Variants in NCS1 observed in about 807,000 individuals in gnomAD.
The protein encoded by NCS1 is neuronal calcium sensor 1.
NCS1 carries 6 observed loss-of-function variants against 28.4 expected under a neutral mutation model. That is an observed-to-expected ratio of 0.21 (90% CI 0.12 to 0.42). NCS1 has a LOEUF of 0.42. Ranked by LOEUF, NCS1 falls within the 10% of genes least tolerant of loss-of-function variation. The probability of loss-of-function intolerance (pLI) is 1.00; values close to 1 mark genes in which losing one functional copy is unlikely to be tolerated. For missense variants in NCS1, 131 were observed against 241.4 expected (o/e 0.54, Z 3.03); for synonymous variants, 86 against 99.3 (o/e 0.87, Z 0.79).
At position 130,226,207 on chromosome 9, in the gene NCS1, C is replaced by G. The variant is rs1833412403; in HGVS notation, c.475-182C>G. Reference sequence around the variant, plus strand: ...ATGCCCAGAGAGGTGGGCCACGGCCCAAGGCCACCCTGCCATGAGTGCCGA... The same window carrying G: ...ATGCCCAGAGAGGTGGGCCACGGCCGAAGGCCACCCTGCCATGAGTGCCGA... On this transcript the variant is annotated intron_variant, in intron 6 of 7. Transcript: ENST00000372398. This position sits in a 1 kb window ranked among gnomAD's most constrained non-coding sequence, Gnocchi z 4.8. Among the ~76,000 whole-genome samples the G allele has an allele frequency of 6.6e-6, 1 of 152,232 alleles. No homozygotes were observed. The highest frequency in any genetic ancestry group is 2.4e-5 in the African/African-American group (1 of 41,460).
At chr9:130,229,379 C>A (rs1345254685) in intron 7 of NCS1, among the ~76,000 whole-genome samples, 2 of 151,918 alleles carry the variant, frequency 1.3e-5, no homozygotes, top group African/African-American at 4.8e-5. Flanking sequence ...CTCAGCCTCC[C>A]AAGTAGCTGG....
At chr9:130,203,122 G>GTATA (rs71499224) in intron 2 of NCS1, among the ~76,000 whole-genome samples, 3 of 98,350 alleles carry the variant, frequency 3.1e-5, no homozygotes, top group African/African-American at 6.9e-5. Flanking sequence ...GCGTGTGTAT[G>GTATA]TATATATATA....
At chr9:130,176,453 C>T (rs1832573110) in intron 1 of NCS1, among the ~76,000 whole-genome samples, 1 of 152,146 alleles carries the variant, frequency 6.6e-6, no homozygotes, top group Non-Finnish European at 1.5e-5. Context: ...GCCTTGGCTT[C>T]CCAAAGTTCT....
intron 1 of NCS1, among the ~76,000 whole-genome samples, chr9:130,183,009 T>C (rs1554905281): frequency 1.3e-5 from 2 of 152,114 alleles, no homozygotes; most frequent in African/African-American, 2.4e-5. Flanking sequence ...GTCTGTGGGG[T>C]GTGTGGCCCG....
rs1832552510 is a variant in NCS1 at position 130,175,543 on chromosome 9, G to A, written c.64+2816G>A. ...CCGGATTGAAGACCACAGTTCCAGT[G>A]TATGCTGGGGGTCCTAGCCCACCTC... On this transcript the variant is annotated intron_variant, in intron 1 of 7. Coordinates refer to ENST00000372398, the MANE Select transcript of NCS1 (RefSeq NM_014286.4). This position sits in a 1 kb window ranked among gnomAD's most constrained non-coding sequence, Gnocchi z 4.9. 6.6e-6 allele frequency among the ~76,000 whole-genome samples: 1 copy of A among 152,164 alleles called. No homozygotes were observed. The highest frequency in any genetic ancestry group is 1.5e-5 in the Non-Finnish European group (1 of 68,030).
At chr9:130,190,071 T>A (rs1832798621) in intron 1 of NCS1, among the ~76,000 whole-genome samples, 1 of 120,694 alleles carries the variant, frequency 8.3e-6, no homozygotes, top group African/African-American at 3.1e-5. Context: ...AGAGAATATA[T>A]GTGGTCATTG....
Position 130,172,632 on chromosome 9 carries a change from G to T in NCS1, c.-32G>T. 1 of 1,399,856 alleles carries T rather than the reference G, an allele frequency of 7.1e-7. No individual in the cohort carries two copies. The highest frequency in any genetic ancestry group is 9.5e-7 in the Non-Finnish European group (1 of 1,056,452). 86.7% of individuals were successfully genotyped at this position (1,399,856 alleles called of 1,614,324 possible). On this transcript the variant is annotated 5_prime_UTR_variant, in exon 1 of 8. Coordinates refer to ENST00000372398, the MANE Select transcript of NCS1 (RefSeq NM_014286.4). ...CTGCTGGGCGCCCCAACCGGGTCCG[G>T]CCCGGGGGGGCGGGGGCCGCGGCCG...
Position 130,208,544 on chromosome 9 carries a change from G to C in NCS1, c.89+7562G>C, listed in dbSNP as rs573788484. ...CCCACCTCGGCCTCCCAAAGTGCTG[G>C]GATTATGGGCATGAGCCACTGCGCC... On this transcript the variant is annotated intron_variant, in intron 2 of 7. Coordinates refer to ENST00000372398, the MANE Select transcript of NCS1 (RefSeq NM_014286.4). Among the ~76,000 whole-genome samples, 3 of 152,208 alleles carry C rather than the reference G, an allele frequency of 2.0e-5. No individual in the cohort carries two copies. In the South Asian group the frequency reaches 6.2e-4, roughly 32 times the overall value.
intron 2 of NCS1, among the ~76,000 whole-genome samples, chr9:130,202,701 T>C (rs868954946): frequency 3.3e-5 from 5 of 151,716 alleles, no homozygotes; most frequent in African/African-American, 1.2e-4. Context: ...TGTCTCTGCC[T>C]CCCGAGTAGC....
At chr9:130,193,313 G>A (rs561640436) in intron 1 of NCS1, among the ~76,000 whole-genome samples, 227 of 152,226 alleles carry the variant, frequency 1.5e-3, no homozygotes, top group African/African-American at 5.2e-3. Flanking sequence ...TTCTAGGAGG[G>A]GAGGAATGTG....
At chr9:130,188,676 G>T (rs987417573) in intron 1 of NCS1, among the ~76,000 whole-genome samples, 91 of 151,782 alleles carry the variant, frequency 6.0e-4, no homozygotes, top group African/African-American at 2.2e-3. Context: ...CTCCCAAAGT[G>T]CTGGGATTAC....
chr9:130,222,535 G>A, intron 4 of NCS1, 115 bp from the exon 5 acceptor site: 1 of 793,276 alleles, frequency 1.3e-6, no homozygotes, highest in Non-Finnish European at 2.2e-6. Flanking sequence ...GACCTGATGA[G>A]GAATGGGCCA....
chr9:130,193,631 G>A (rs1375859455), intron 1 of NCS1, among the ~76,000 whole-genome samples: 5 of 151,368 alleles, frequency 3.3e-5, no homozygotes, highest in Non-Finnish European at 7.4e-5. Context: ...GGACGGGGGT[G>A]GGGGAGCTGA....
Position 130,226,597 on chromosome 9 carries a change from G to A in NCS1, c.*17+93G>A. 2.2e-6 allele frequency: 2 copies of A among 892,180 alleles called. No homozygotes were observed. Among genetic ancestry groups the A allele is most frequent in the South Asian group, 1.5e-5 (1 of 65,554 alleles). 55.3% of individuals were successfully genotyped at this position (892,180 alleles called of 1,614,324 possible). On this transcript the variant is annotated intron_variant, in intron 7 of 7. Coordinates refer to ENST00000372398, the MANE Select transcript of NCS1 (RefSeq NM_014286.4). The surrounding 1 kb of genome is among the most constrained non-coding windows in gnomAD (Gnocchi z 4.8). ...ACCTACGGTTGGCAGGTAATTACCT[G>A]GGTCTCTGGGGGTGTTGTGGTCAGC...
rs1456406425 is a variant in NCS1 at position 130,236,530 on chromosome 9, G to A, written c.*3558G>A. The A allele has an allele frequency of 2.1e-5, 3 of 141,636 alleles. No individual in the cohort carries two copies. Among genetic ancestry groups the A allele is most frequent in the Non-Finnish European group, 4.5e-5 (3 of 65,974 alleles). 8.8% of individuals were successfully genotyped at this position (141,636 alleles called of 1,614,324 possible). ...TGAATTAACTTAAGGGCACTGTGAT[G>A]GGAAGCCTTGCCCCCCTCTTTTTTT... On this transcript the variant is annotated 3_prime_UTR_variant, in exon 8 of 8. Transcript: ENST00000372398.
rs546065339 is a variant in NCS1 at position 130,192,975 on chromosome 9, G to C, written c.65-7983G>C. Among the ~76,000 whole-genome samples, 1 of 152,206 alleles carries C rather than the reference G, an allele frequency of 6.6e-6. No homozygotes were observed. Among genetic ancestry groups the C allele is most frequent in the South Asian group, 2.1e-4 (1 of 4,832 alleles). On this transcript the variant is annotated intron_variant, in intron 1 of 7. Coordinates refer to ENST00000372398, the MANE Select transcript of NCS1 (RefSeq NM_014286.4). The surrounding 1 kb of genome is among the most constrained non-coding windows in gnomAD (Gnocchi z 4.8). The stretch of plus-strand genomic sequence containing the variant: ...CGAAACCCAAACTGGGGAAAAAACC[G>C]GTCACACAGCAACGGAGTGGCAGAT...
rs1554911396 is a variant in NCS1, at chr9:130,226,469, C to T, written c.555C>T (p.Leu185=). ...ADPSIVQALS[L]YDGLV ...CGTCCATTGTGCAGGCGCTGTCCCT[C>T]TACGACGGGCTGGTATAGTCCCAGG... The change falls in exon 7 of 8, where the codon CTC becomes CTT. Residue 185 remains leucine, a synonymous_variant. Coordinates refer to ENST00000372398, the MANE Select transcript of NCS1 (RefSeq NM_014286.4). The surrounding 1 kb of genome is among the most constrained non-coding windows in gnomAD (Gnocchi z 4.8). 10 of 1,613,630 alleles carry T rather than the reference C, an allele frequency of 6.2e-6. No individual in the cohort carries two copies. Among genetic ancestry groups the T allele is most frequent in the Middle Eastern group, 3.3e-4 (2 of 6,084 alleles).
At chr9:130,202,982 C>T (rs1420080669) in intron 2 of NCS1, among the ~76,000 whole-genome samples, 2 of 151,234 alleles carry the variant, frequency 1.3e-5, no homozygotes, top group African/African-American at 4.9e-5. Flanking sequence ...TGGGAGGTGG[C>T]AGGGTTGGGA....
Position 130,175,010 on chromosome 9 carries a change from C to T in NCS1, c.64+2283C>T, listed in dbSNP as rs1361591490. Among the ~76,000 whole-genome samples, 2 of 152,038 alleles carry T rather than the reference C, an allele frequency of 1.3e-5. No individual in the cohort carries two copies. The highest frequency in any genetic ancestry group is 2.9e-5 in the Non-Finnish European group (2 of 68,020). ...GGCTATTTTTAAAGGCCTTTGGAGA[C>T]GTGGAACAGTTTTGGGCAGAGAGAG... On this transcript the variant is annotated intron_variant, in intron 1 of 7. Transcript: ENST00000372398. The surrounding 1 kb of genome is among the most constrained non-coding windows in gnomAD (Gnocchi z 4.9).
Sources: gnomAD v4.1 joint callset for allele counts (sites outside exome capture counted in the v4.1 genomes callset) on GRCh38, gnomAD v4.1.1 for gene constraint, Gnocchi (gnomAD v3.1) non-coding constraint, MANE v1.5 for transcripts, NCBI Gene and HGNC (gene_info 2026-07-23, HGNC 2026-07-21) for gene names.